Variants in SLC5A4 observed in about 807,000 individuals in gnomAD.
The protein encoded by SLC5A4 is probable glucose sensor protein SLC5A4.
A neutral mutation model predicts 70.3 loss-of-function variants in SLC5A4; 55 were observed. The observed-to-expected ratio is 0.78, with a 90% CI of 0.63 to 0.98. The LOEUF is 0.98. Ranked by LOEUF, SLC5A4 falls within the 50% of genes least tolerant of loss-of-function variation. SLC5A4 has a pLI of 0.00. For missense variants in SLC5A4, 735 were observed against 839.2 expected (o/e 0.88, Z 1.53); for synonymous variants, 268 against 305.7 (o/e 0.88, Z 1.29).
At chr22:32,249,768 C>T (rs543395570) in intron 3 of SLC5A4, among the ~76,000 whole-genome samples, 107 of 152,342 alleles carry the variant, frequency 7.0e-4, no homozygotes, top group Non-Finnish European at 1.4e-3. Flanking sequence ...TCAGGCAACT[C>T]AAAAGCTGTT....
At chr22:32,344,906 C>A in the SLC5A4 span, among the ~76,000 whole-genome samples, 1 of 152,124 alleles carries the variant, frequency 6.6e-6, no homozygotes, top group African/African-American at 2.4e-5. Context: ...CCCACAAGAA[C>A]AATGGACTAT....
chr22:32,277,767 C>G, the SLC5A4 span, among the ~76,000 whole-genome samples: 1 of 152,166 alleles, frequency 6.6e-6, no homozygotes, highest in Non-Finnish European at 1.5e-5. Flanking sequence ...CCAAGATGGT[C>G]TCGATCTCCT....
At chr22:32,308,662 A>AGGGGAGATGC in the SLC5A4 span, among the ~76,000 whole-genome samples, 2 of 152,108 alleles carry the variant, frequency 1.3e-5, no homozygotes, top group East Asian at 3.9e-4. Context: ...TCTGATGATG[A>AGGGGAGATGC]GGGGAGATGC....
At chr22:32,320,258 T>C in the SLC5A4 span, among the ~76,000 whole-genome samples, 707 of 152,310 alleles carry the variant, frequency 4.6e-3, 8 homozygotes, top group African/African-American at 0.016. Flanking sequence ...GGGTTTCTGC[T>C]TCACTGCTGG....
the SLC5A4 span, among the ~76,000 whole-genome samples, chr22:32,292,140 T>A: frequency 2.0e-4 from 10 of 50,684 alleles, no homozygotes; most frequent in Admixed American, 5.5e-4. Context: ...ATATTATATA[T>A]TATATTCTAT....
chr22:32,254,398 C>T (rs1339620503), intron 1 of SLC5A4, among the ~76,000 whole-genome samples, 185 bp from the exon 2 acceptor site: 1 of 152,190 alleles, frequency 6.6e-6, no homozygotes, highest in Non-Finnish European at 1.5e-5. Context: ...TGTAAAAACC[C>T]AGGGCTGGAA....
At chr22:32,336,867 C>G in the SLC5A4 span, among the ~76,000 whole-genome samples, 31 of 152,334 alleles carry the variant, frequency 2.0e-4, no homozygotes, top group African/African-American at 7.0e-4. Flanking sequence ...TCTTTCTGTT[C>G]CCAGAACTTA....
chr22:32,323,802 T>A, the SLC5A4 span, among the ~76,000 whole-genome samples: 5 of 152,240 alleles, frequency 3.3e-5, no homozygotes, highest in African/African-American at 4.8e-5. Context: ...CCCTTGCCTG[T>A]GGGCCACAGT....
At chr22:32,271,365 G>C in the SLC5A4 span, 1 of 740,628 alleles carries the variant, frequency 1.4e-6, no homozygotes, top group East Asian at 2.9e-5. Context: ...GGTTGTGCTG[G>C]GCAGCCGCCA....
At chr22:32,284,436 C>G in the SLC5A4 span, among the ~76,000 whole-genome samples, 1 of 152,100 alleles carries the variant, frequency 6.6e-6, no homozygotes, top group Non-Finnish European at 1.5e-5. Context: ...TGTTGGGATA[C>G]TGGGATGGCT....
At chr22:32,321,323 G>C in the SLC5A4 span, among the ~76,000 whole-genome samples, 1 of 152,000 alleles carries the variant, frequency 6.6e-6, no homozygotes, top group Non-Finnish European at 1.5e-5. Flanking sequence ...ATGGTGATAG[G>C]CACCTGTAGT....
the SLC5A4 span, among the ~76,000 whole-genome samples, chr22:32,337,812 C>A: frequency 3.2e-4 from 48 of 152,180 alleles, no homozygotes; most frequent in Admixed American, 1.2e-3. Flanking sequence ...TAAATTTCCA[C>A]CATACAGACA....
chr22:32,345,830 C>G, the SLC5A4 span, among the ~76,000 whole-genome samples: 3,511 of 152,286 alleles, frequency 0.023, 47 homozygotes, highest in Middle Eastern at 0.058. Context: ...TAAAACATGA[C>G]ATTTATGCGA....
At chr22:32,296,400 T>C in the SLC5A4 span, among the ~76,000 whole-genome samples, 3 of 81,704 alleles carry the variant, frequency 3.7e-5, no homozygotes, top group African/African-American at 1.4e-4. Flanking sequence ...TTCCTAGGTA[T>C]TTTATTGTCT....
chr22:32,278,181 G>T, the SLC5A4 span, among the ~76,000 whole-genome samples: 1 of 152,150 alleles, frequency 6.6e-6, no homozygotes, highest in Non-Finnish European at 1.5e-5. Context: ...TTCCAAAAGG[G>T]AGAACCTAAA....
chr22:32,301,801 T>C, the SLC5A4 span, among the ~76,000 whole-genome samples: 1 of 149,614 alleles, frequency 6.7e-6, no homozygotes, highest in African/African-American at 2.5e-5. Context: ...GGTACTGGCA[T>C]AAGAATAGGT....
the SLC5A4 span, among the ~76,000 whole-genome samples, chr22:32,264,363 A>C: frequency 6.6e-6 from 1 of 152,022 alleles, no homozygotes; most frequent in African/African-American, 2.4e-5. Flanking sequence ...CACTTGAGCC[A>C]GGGGTTCTAG....
the SLC5A4 span, among the ~76,000 whole-genome samples, chr22:32,267,239 A>G: frequency 1.3e-3 from 203 of 152,276 alleles, no homozygotes; most frequent in Non-Finnish European, 2.3e-3. Context: ...GTAAAAATCT[A>G]ATATATAGCA....
chr22:32,300,102 C>T, the SLC5A4 span, among the ~76,000 whole-genome samples: 1 of 151,490 alleles, frequency 6.6e-6, no homozygotes, highest in Non-Finnish European at 1.5e-5. Flanking sequence ...TTACTGCTGT[C>T]TTTTTGTTTG....
Sources: gnomAD v4.1 joint callset for allele counts (sites outside exome capture counted in the v4.1 genomes callset) on GRCh38, gnomAD v4.1.1 for gene constraint, MANE v1.5 for transcripts, NCBI Gene and HGNC (gene_info 2026-07-23, HGNC 2026-07-21) for gene names.